SLC35A2: variants seen among roughly 807,000 people sequenced by gnomAD.
The protein encoded by SLC35A2 is UDP-galactose translocator.
SLC35A2 carries 1 observed loss-of-function variant against 17.3 expected under a neutral mutation model. The observed-to-expected ratio is 0.06, with a 90% CI of 0.02 to 0.27. The LOEUF (loss-of-function observed/expected upper bound fraction) is 0.27, where lower values mean the gene tolerates loss of function less well. Among genes scored for constraint, SLC35A2 ranks in the 10% least tolerant of loss-of-function variants. The pLI is 1.00. For synonymous variants in SLC35A2, 161 were observed against 161.3 expected (o/e 1.00, Z 0.01); for missense variants, 191 against 339.3 (o/e 0.56, Z 3.43).
chrX:48,906,491 A>G lies in SLC35A2; in HGVS notation c.327T>C (p.Tyr109=). ...GCACTGCGAGCTTGAGCGTGTCCACATACTGCACCAGGACAGCCTCATGGA... is the reference window on the plus strand; with the variant it reads ...GCACTGCGAGCTTGAGCGTGTCCACGTACTGCACCAGGACAGCCTCATGGA... ...LFLHEAVLVQ[Y]VDTLKLAVPS... The change falls in exon 3 of 5, where the codon TAT becomes TAC. Residue 109 remains tyrosine, a synonymous_variant. Transcript: ENST00000247138. 1.7e-6 allele frequency: 2 copies of G among 1,210,647 alleles called. No homozygotes were observed. The highest frequency in any genetic ancestry group is 3.5e-5 in the South Asian group (2 of 56,969).
chrX:48,904,326 A>C, intron 4 of SLC35A2: 1 of 1,033,278 alleles, frequency 9.7e-7, no homozygotes, highest in Non-Finnish European at 1.2e-6. Context: ...GAGCTGCGGG[A>C]GTTTTGTCCA....
intron 4 of SLC35A2, chrX:48,903,873 T>G: frequency 1.3e-6 from 1 of 789,780 alleles, no homozygotes; most frequent in South Asian, 5.5e-5. Flanking sequence ...CCCCATGAGG[T>G]AGGGGTGCCT....
rs374840868 is a variant in SLC35A2, at chrX:48,905,412, C to G, written c.497G>C (p.Arg166Pro). ...GAGCAGCAGGGAGGCCCACTGCAGC[C>G]GGGAAAGGCTGCGATTCAGCATGAG... ...SVLMLNRSLS[R>P]LQWASLLLLF... The change falls in exon 4 of 5, where the codon CGG becomes CCG. Residue 166 changes from arginine to proline, a missense_variant. Physicochemically the swap from Arg to Pro is moderately radical, Grantham distance 103. Transcript: ENST00000247138. 8.4e-7 allele frequency: 1 copy of G among 1,191,474 alleles called. No individual in the cohort carries two copies. Among genetic ancestry groups the G allele is most frequent in the Admixed American group, 2.3e-5 (1 of 43,889 alleles).
At chrX:48,903,728 G>A in intron 4 of SLC35A2, 2 of 986,102 alleles carry the variant, frequency 2.0e-6, no homozygotes, top group Non-Finnish European at 2.6e-6. Flanking sequence ...AGATCCAATG[G>A]CTCTATTTAC....
intron 2 of SLC35A2, among the ~76,000 whole-genome samples, chrX:48,907,256 T>C (rs1178415453): frequency 9.2e-6 from 1 of 108,291 alleles, no homozygotes; most frequent in Non-Finnish European, 1.9e-5. Context: ...TGGAGGGCTG[T>C]CTCCCACACA....
At chrX:48,910,949 C>A (rs2063528567) in intron 1 of SLC35A2, among the ~76,000 whole-genome samples, 1 of 110,488 alleles carries the variant, frequency 9.1e-6, no homozygotes, top group Non-Finnish European at 1.9e-5. Flanking sequence ...TGAGCTCTCT[C>A]TGCTATAAGG....
At chrX:48,905,949 C>G (rs2063487238) in intron 3 of SLC35A2, 2 of 288,265 alleles carry the variant, frequency 6.9e-6, no homozygotes, top group Admixed American at 6.0e-5. Flanking sequence ...TCTCACAACA[C>G]CATTCTGAAG....
In SLC35A2 at chrX:48,911,568, C is replaced by T. The variant is rs1332894077; in HGVS notation, c.69G>A (p.Leu23=). The T allele has an allele frequency of 1.7e-6, 2 of 1,163,447 alleles. No homozygotes were observed. The highest frequency in any genetic ancestry group is 2.3e-6 in the Non-Finnish European group (2 of 874,685). ...PGPGAVSAGA[L]EPGTASAAHR... is the part of the protein sequence containing the mutation. ...CACCCGCACTGGCGGTCCCCGGCTC[C>T]AATGCACCCGCGGAAACCGCCCCTG... The change falls in exon 1 of 5, where the codon TTG becomes TTA. Residue 23 remains leucine (L), a synonymous_variant. Coordinates refer to ENST00000247138, the MANE Select transcript of SLC35A2 (RefSeq NM_005660.3).
rs782768502 is a variant in SLC35A2, at chrX:48,904,859, A to G, written c.1050T>C (p.Ser350=). The change falls in exon 4 of 5, where the codon TCT becomes TCC. Residue 350 remains serine, a synonymous_variant. Transcript: ENST00000247138. ...AGGGCCCGGAGGCGGAGGCAGAGGC[A>G]GAGGCTATGGCTTTGGCTGCACCTC... ...LPRGAAKAIA[S]ASASASGPCV... The G allele has an allele frequency of 3.6e-5, 43 of 1,210,304 alleles. No individual in the cohort carries two copies. Among genetic ancestry groups the G allele is most frequent in the Non-Finnish European group, 4.6e-5 (41 of 895,154 alleles).
At chrX:48,906,615 G>A in intron 2 of SLC35A2, 72 bp from the exon 3 acceptor site, 2 of 1,022,739 alleles carry the variant, frequency 2.0e-6, no homozygotes, top group Non-Finnish European at 2.7e-6. Flanking sequence ...GCTGGGAACA[G>A]GCCTTGCTCC....
chrX:48,906,604 G>A, intron 2 of SLC35A2, 61 bp from the exon 3 acceptor site: 1 of 1,102,494 alleles, frequency 9.1e-7, no homozygotes, highest in Non-Finnish European at 1.2e-6. Context: ...AACCCCTGAA[G>A]GCTGGGAACA....
intron 3 of SLC35A2, 126 bp downstream of exon 3, chrX:48,906,266 G>T (rs1398068749): frequency 3.2e-6 from 2 of 628,915 alleles, no homozygotes; most frequent in African/African-American, 2.2e-5. Flanking sequence ...GGTTGAAGGA[G>T]TTCCAAGGAC....
At chrX:48,910,114 G>T in intron 1 of SLC35A2, 118 bp from the exon 2 acceptor site, 1 of 859,300 alleles carries the variant, frequency 1.2e-6, no homozygotes, top group Non-Finnish European at 1.7e-6. Context: ...ATGGCTACTT[G>T]CTCCCTCAGC....
intron 2 of SLC35A2, among the ~76,000 whole-genome samples, chrX:48,907,894 C>G (rs913047910): frequency 1.8e-5 from 2 of 108,690 alleles, no homozygotes; most frequent in Admixed American, 9.8e-5. Flanking sequence ...TGGTGGCAGG[C>G]GCCTATAATC....
At chrX:48,911,949 AT>A (rs2063540220), upstream of SLC35A2, 7 of 1,165,838 alleles carry the variant, frequency 6.0e-6, no homozygotes, top group Non-Finnish European at 8.0e-6. Context: ...TTTCCAGATC[AT>A]CCCCCGATCT....
At chrX:48,905,558 G>A in intron 3 of SLC35A2, 76 bp from the exon 4 acceptor site, 1 of 976,803 alleles carries the variant, frequency 1.0e-6, no homozygotes, top group Non-Finnish European at 1.4e-6. Context: ...AGCACCCACT[G>A]TGGGCCCCCA....
chrX:48,906,650 G>A, intron 2 of SLC35A2, 107 bp from the exon 3 acceptor site: 1 of 698,822 alleles, frequency 1.4e-6, no homozygotes, highest in Non-Finnish European at 2.2e-6. Context: ...CCACCCTGCT[G>A]TCCAATCCCT....
chrX:48,903,783 C>T, intron 4 of SLC35A2: 1 of 901,049 alleles, frequency 1.1e-6, no homozygotes, highest in Non-Finnish European at 1.4e-6. Flanking sequence ...CACACACACC[C>T]CGCCCCGATA....
Position 48,906,409 on chromosome X carries a change from G to A in SLC35A2, c.409C>T (p.Pro137Ser). 4 of 1,210,887 alleles carry A rather than the reference G, an allele frequency of 3.3e-6. No individual in the cohort carries two copies. Among genetic ancestry groups the A allele is most frequent in the Non-Finnish European group, 4.5e-6 (4 of 894,826 alleles). ...NLQYVAISNLPAATFQVTYQL... is the reference protein window; with the variant it reads ...NLQYVAISNLSAATFQVTYQL... ...GGGCTCACCTGGAAAGTGGCAGCTGGTAGGTTAGAGATGGCAACATACTGG... is the reference window on the plus strand; with the variant it reads ...GGGCTCACCTGGAAAGTGGCAGCTGATAGGTTAGAGATGGCAACATACTGG... The change falls in exon 3 of 5, where the codon CCA (proline) becomes TCA (serine). Residue 137 changes from proline (P) to serine (S), a missense_variant. Physicochemically the swap from Pro to Ser is moderately conservative, Grantham distance 74. This residue lies in a region of SLC35A2 where 164 missense variants were observed against 315.3 expected (regional missense o/e 0.52). Coordinates refer to ENST00000247138, the MANE Select transcript of SLC35A2 (RefSeq NM_005660.3).
Sources: allele counts gnomAD v4.1 joint callset (sites outside exome capture counted in the v4.1 genomes callset), GRCh38; gene constraint gnomAD v4.1.1; regional missense constraint gnomAD v4.1.1; transcripts MANE v1.5; gene names NCBI Gene and HGNC (gene_info 2026-07-23, HGNC 2026-07-21).